Variants in CABYR observed in about 807,000 individuals in gnomAD.
CABYR encodes the protein calcium-binding tyrosine phosphorylation-regulated protein.
A neutral mutation model predicts 36.1 loss-of-function variants in CABYR; 31 were observed. The observed-to-expected ratio is 0.86, with a 90% confidence interval of 0.64 to 1.16. The LOEUF (loss-of-function observed/expected upper bound fraction) is 1.16. Among genes scored for constraint, CABYR ranks in the 50% most tolerant of loss-of-function variants. The pLI, the probability that CABYR is intolerant of heterozygous loss-of-function variation, is 0.00. For missense variants in CABYR, 429 were observed against 455.8 expected, an observed-to-expected ratio of 0.94 and a Z score of 0.53; for synonymous variants, 146 against 160.7, an observed-to-expected ratio of 0.91 and a Z score of 0.69.
intron 3 of CABYR, chr18:24,150,700 C>T (rs550378468): frequency 9.1e-6 from 3 of 329,744 alleles, no homozygotes; most frequent in African/African-American, 4.5e-5. Context: ...TAAAAGATTA[C>T]GTACCATACA....
intron 1 of CABYR, among the ~76,000 whole-genome samples, chr18:24,141,989 C>A (rs1248966534): frequency 6.6e-6 from 1 of 152,120 alleles, no homozygotes; most frequent in Non-Finnish European, 1.5e-5. Flanking sequence ...ACAAAGCAGG[C>A]TGAAAAAACC....
intron 1 of CABYR, among the ~76,000 whole-genome samples, chr18:24,140,830 A>G (rs567617902): frequency 2.6e-5 from 4 of 152,178 alleles, no homozygotes; most frequent in Non-Finnish European, 5.9e-5. Flanking sequence ...TTCATTTAAC[A>G]TAATAATCTC....
intron 3 of CABYR, among the ~76,000 whole-genome samples, chr18:24,149,873 C>T (rs1403038571): frequency 2.0e-5 from 3 of 152,252 alleles, no homozygotes; most frequent in Non-Finnish European, 4.4e-5. Flanking sequence ...AGCCCATGCC[C>T]ACTCGGAACT....
chr18:24,157,757 T>C (rs980941928), intron 4 of CABYR, among the ~76,000 whole-genome samples: 3 of 152,212 alleles, frequency 2.0e-5, no homozygotes, highest in Non-Finnish European at 4.4e-5. Context: ...TCCTATGACA[T>C]AGACATGATG....
At chr18:24,153,603 C>T (rs2085694202) in intron 3 of CABYR, among the ~76,000 whole-genome samples, 1 of 152,158 alleles carries the variant, frequency 6.6e-6, no homozygotes, top group Non-Finnish European at 1.5e-5. Context: ...TGTCCCTTTT[C>T]TCCCTGGAGG....
chr18:24,141,708 G>T lies in CABYR; in HGVS notation c.-24-1383G>T, dbSNP rs529424723. 4.9e-4 allele frequency among the ~76,000 whole-genome samples: 75 copies of T among 152,188 alleles called. 1 individual carries two copies. The highest frequency in any genetic ancestry group is 1.8e-3 in the African/African-American group (73 of 41,504). ...TAATTTTGTTCTTTAGAAGCCTTAG[G>T]TGATTTTTTAGGAGTCAGAATACAT... On this transcript the variant is annotated intron_variant, in intron 1 of 5. Transcript: ENST00000399496.
chr18:24,148,788 G>A (rs57913538), intron 3 of CABYR: 14,783 of 150,526 alleles, frequency 0.098, 1,465 homozygotes, highest in East Asian at 0.43. Flanking sequence ...GTGGGCTCGT[G>A]GTCTTGCTGG....
At chr18:24,141,129 C>T (rs779079936) in intron 1 of CABYR, among the ~76,000 whole-genome samples, 2 of 152,038 alleles carry the variant, frequency 1.3e-5, no homozygotes, top group Non-Finnish European at 2.9e-5. Flanking sequence ...TGAATGATAT[C>T]GTAAAAGGAA....
intron 5 of CABYR, chr18:24,160,732 A>G (rs577734572): frequency 6.5e-6 from 1 of 152,916 alleles, no homozygotes; most frequent in South Asian, 2.1e-4. Flanking sequence ...GTGTATTACA[A>G]CATGTAAAGT....
rs761604617 is a variant in CABYR at position 24,161,528 on chromosome 18, C to T, written c.*12C>T. 9 of 780,332 alleles carry T rather than the reference C, an allele frequency of 1.2e-5. No homozygotes were observed. The highest frequency in any genetic ancestry group is 4.5e-4 in the Middle Eastern group (2 of 4,458). 48.3% of individuals were successfully genotyped at this position (780,332 alleles called of 1,614,324 possible). On this transcript the variant is annotated 3_prime_UTR_variant, in exon 6 of 6. Transcript: ENST00000399496. ...TTATTCCTAACAGATCCAGAAATGA[C>T]GCTGTCTGGGTCAACATTTCAGGGA...
Position 24,150,421 on chromosome 18 carries a change from C to T in CABYR, c.200-5280C>T, listed in dbSNP as rs1031220272. Reference sequence around the variant, plus strand: ...AGCTTAACCAAAATTACCTAAAAGCCACTGTACCCCATACATATTTCAGTC... The same window carrying T: ...AGCTTAACCAAAATTACCTAAAAGCTACTGTACCCCATACATATTTCAGTC... On this transcript the variant is annotated intron_variant, in intron 3 of 5. Coordinates refer to ENST00000399496, the MANE Select transcript of CABYR (RefSeq NM_153769.3). 2.1e-5 allele frequency: 4 copies of T among 187,548 alleles called. No homozygotes were observed. In the South Asian group the frequency reaches 5.4e-4, roughly 25 times the overall value. 11.6% of individuals were successfully genotyped at this position (187,548 alleles called of 1,614,324 possible).
At chr18:24,154,940 A>G (rs1244561222) in intron 3 of CABYR, among the ~76,000 whole-genome samples, 2 of 152,198 alleles carry the variant, frequency 1.3e-5, no homozygotes, top group Non-Finnish European at 2.9e-5. Context: ...CTTTGGCTGC[A>G]TGATCACACA....
At chr18:24,149,846 G>T (rs1298313765) in intron 3 of CABYR, among the ~76,000 whole-genome samples, 1 of 152,232 alleles carries the variant, frequency 6.6e-6, no homozygotes, top group African/African-American at 2.4e-5. Flanking sequence ...CCGCTGCTCG[G>T]AATGCGGGGC....
At chr18:24,150,985 TAGCC>T (rs1401913649) in intron 3 of CABYR, among the ~76,000 whole-genome samples, 1 of 152,138 alleles carries the variant, frequency 6.6e-6, no homozygotes, top group African/African-American at 2.4e-5. Flanking sequence ...TTCACCGTGT[TAGCC>T]AGGATGGCCC....
At chr18:24,139,583 G>C (rs973840863) in intron 1 of CABYR, 5 of 152,348 alleles carry the variant, frequency 3.3e-5, no homozygotes, top group African/African-American at 1.2e-4. Context: ...TTTACAGTTG[G>C]GCGGGGCAGG....
At chr18:24,151,939 C>CAAGTGATCTGCCTCAAGTGA (rs2085649069) in intron 3 of CABYR, among the ~76,000 whole-genome samples, 1 of 152,154 alleles carries the variant, frequency 6.6e-6, no homozygotes. Context: ...ATCTGCCTGC[C>CAAGTGATCTGCCTCAAGTGA]TCAGCCTCCC....
intron 4 of CABYR, chr18:24,156,957 C>T: frequency 6.2e-7 from 1 of 1,610,384 alleles, no homozygotes; most frequent in Non-Finnish European, 8.5e-7. Context: ...AGAAATTGAA[C>T]CAGAAGGGGA....
intron 3 of CABYR, among the ~76,000 whole-genome samples, chr18:24,152,038 TCA>T (rs1240085588): frequency 6.6e-6 from 1 of 152,190 alleles, no homozygotes; most frequent in African/African-American, 2.4e-5. Context: ...GCATCTGGTC[TCA>T]GTTTTTAATT....
chr18:24,146,310 G>C (rs2145858995), intron 3 of CABYR, among the ~76,000 whole-genome samples: 1 of 152,238 alleles, frequency 6.6e-6, no homozygotes, highest in Middle Eastern at 3.4e-3. Context: ...TTAGAAGACA[G>C]AATTAGGAAA....
Sources: gnomAD v4.1 joint callset for allele counts (sites outside exome capture counted in the v4.1 genomes callset) on GRCh38, gnomAD v4.1.1 for gene constraint, MANE v1.5 for transcripts, NCBI Gene and HGNC (gene_info 2026-07-23, HGNC 2026-07-21) for gene names.